Variants in GOLGA1 observed in about 807,000 individuals in gnomAD.
The protein encoded by GOLGA1 is golgin subfamily A member 1.
A neutral mutation model predicts 119.7 loss-of-function variants in GOLGA1; 63 were observed. The observed-to-expected ratio is 0.53, with a 90% CI of 0.43 to 0.65. The LOEUF (loss-of-function observed/expected upper bound fraction) is 0.65, where lower values mean the gene tolerates loss of function less well. Ranked by LOEUF, GOLGA1 falls within the 30% of genes least tolerant of loss-of-function variation. GOLGA1 has a pLI of 0.00. For missense variants in GOLGA1, 798 were observed against 912.8 expected, an observed-to-expected ratio of 0.87 and a Z score of 1.62; for synonymous variants, 318 against 333.4, an observed-to-expected ratio of 0.95 and a Z score of 0.50.
In GOLGA1 at chr9:124,926,693, A is replaced by G; in HGVS notation, c.432+16T>C. On this transcript the variant is annotated intron_variant, in intron 7 of 22. Transcript: ENST00000373555. ...CGAGACCAACAAAAATGAGACAAAA[A>G]TAAAGATGAACTAACCTTTTCAAGC... is the stretch of plus-strand genomic sequence containing the variant. 1 of 1,548,928 alleles carries G rather than the reference A, an allele frequency of 6.5e-7. No individual in the cohort carries two copies. The highest frequency in any genetic ancestry group is 8.9e-7 in the Non-Finnish European group (1 of 1,120,766).
chr9:124,898,795 G>A, intron 14 of GOLGA1, 151 bp from the exon 15 acceptor site: 1 of 585,102 alleles, frequency 1.7e-6, no homozygotes, highest in East Asian at 2.8e-5. Flanking sequence ...TCAGAAAGTA[G>A]GAAGTCTCTG....
Position 124,880,241 on chromosome 9 carries a change from G to A in GOLGA1, c.*289C>T. 1 of 270,172 alleles carries A rather than the reference G, an allele frequency of 3.7e-6. No homozygotes were observed. Among genetic ancestry groups the A allele is most frequent in the South Asian group, 4.3e-5 (1 of 23,244 alleles). The allele number at this position is 270,172 out of a possible 1,614,324, so 16.7% of individuals were successfully genotyped here. On this transcript the variant is annotated 3_prime_UTR_variant, in exon 23 of 23. Coordinates refer to ENST00000373555, the MANE Select transcript of GOLGA1 (RefSeq NM_002077.4). ...TGTAAGTGCTACCGTGAAGTTAGAG[G>A]ATTCAGGTGCAGATGGGGTGCTGGC...
chr9:124,928,881 C>T (rs1054715261), intron 5 of GOLGA1, among the ~76,000 whole-genome samples: 2 of 152,078 alleles, frequency 1.3e-5, no homozygotes, highest in African/African-American at 4.8e-5. Flanking sequence ...AGTAATGAAG[C>T]TGTGGTGAGA....
At chr9:124,935,805 G>A (rs1830854353) in intron 3 of GOLGA1, among the ~76,000 whole-genome samples, 1 of 151,494 alleles carries the variant, frequency 6.6e-6, no homozygotes, top group East Asian at 1.9e-4. Flanking sequence ...GCCATAATAC[G>A]TGTTGACTGA....
At chr9:124,890,595 C>T in intron 15 of GOLGA1, 117 bp from the exon 16 acceptor site, 1 of 784,256 alleles carries the variant, frequency 1.3e-6, no homozygotes. Context: ...AACATGCTCC[C>T]CACTTCCCAG....
upstream of GOLGA1, chr9:124,944,466 A>AT (rs71374207): frequency 0.3 from 25,724 of 84,876 alleles, 4,233 homozygotes; most frequent in East Asian, 0.45. Context: ...TGCCTGGCTA[A>AT]TTTTTTTTTT....
intron 11 of GOLGA1, among the ~76,000 whole-genome samples, chr9:124,910,713 C>T (rs1830322937): frequency 6.6e-6 from 1 of 152,160 alleles, no homozygotes; most frequent in South Asian, 2.1e-4. Context: ...TGAGTAAGCA[C>T]TACCACCTAA....
At chr9:124,894,210 G>A (rs370135480) in intron 15 of GOLGA1, among the ~76,000 whole-genome samples, 6 of 152,192 alleles carry the variant, frequency 3.9e-5, no homozygotes, top group East Asian at 3.9e-4. Context: ...CCCTACCTGC[G>A]GCTCCTTTGG....
intron 2 of GOLGA1, among the ~76,000 whole-genome samples, chr9:124,939,569 T>C (rs1478937353): frequency 7.4e-6 from 1 of 135,246 alleles, no homozygotes; most frequent in East Asian, 2.5e-4. Context: ...TTTTTTTTTT[T>C]TTTTTTTTTT....
chr9:124,926,864 C>A, intron 6 of GOLGA1, 123 bp from the exon 7 acceptor site: 2 of 563,312 alleles, frequency 3.6e-6, no homozygotes, highest in Non-Finnish European at 6.4e-6. Flanking sequence ...ACAAAAAAGC[C>A]AATTAAAAAA....
intron 10 of GOLGA1, among the ~76,000 whole-genome samples, chr9:124,914,950 A>G (rs1830412250): frequency 6.6e-6 from 1 of 152,228 alleles, no homozygotes; most frequent in Non-Finnish European, 1.5e-5. Context: ...CTTGTGCAAC[A>G]TATTGATATG....
intron 6 of GOLGA1, among the ~76,000 whole-genome samples, chr9:124,927,021 A>T (rs906667819): frequency 1.3e-5 from 2 of 152,218 alleles, no homozygotes; most frequent in Non-Finnish European, 2.9e-5. Context: ...GAAAAGCTGT[A>T]TCTGCTGTTC....
intron 19 of GOLGA1, among the ~76,000 whole-genome samples, chr9:124,885,429 G>A (rs536811340): frequency 1.5e-3 from 228 of 150,492 alleles, no homozygotes; most frequent in African/African-American, 5.1e-3. Flanking sequence ...AGGTCGCAGT[G>A]AGCCAAGATC....
chr9:124,911,670 C>T (rs10819007), intron 11 of GOLGA1, among the ~76,000 whole-genome samples: 88,154 of 152,080 alleles, frequency 0.58, 26,014 homozygotes, highest in Non-Finnish European at 0.58. Context: ...AGATGCTATC[C>T]GTTTGTATGT....
At chr9:124,896,954 G>A (rs1829998039) in intron 15 of GOLGA1, among the ~76,000 whole-genome samples, 1 of 151,844 alleles carries the variant, frequency 6.6e-6, no homozygotes, top group African/African-American at 2.4e-5. Context: ...ACCTGCCAGG[G>A]CTTCCCATGA....
In GOLGA1 at chr9:124,890,420, A is replaced by C. The variant is rs754022523; in HGVS notation, c.1466T>G (p.Val489Gly). 6.2e-7 allele frequency: 1 copy of C among 1,613,422 alleles called. No homozygotes were observed. The highest frequency in any genetic ancestry group is 1.1e-5 in the South Asian group (1 of 91,046). The stretch of plus-strand genomic sequence containing the variant: ...CTGGAACTCTTCCCTTTGCTTCCGC[A>C]CCTCCTCCAGGGCTTGAGCCATGGC... ...SVAMAQALEE[V>G]RKQREEFQQQ... Residue 489 changes from valine (V) to glycine (G), a missense_variant, in exon 16 of 23, where the codon GTG (valine) becomes GGG (glycine). By Grantham distance (109) the Val-to-Gly change is moderately radical (BLOSUM62 -3). Transcript: ENST00000373555.
chr9:124,926,668 C>A (rs145169608), intron 7 of GOLGA1, 41 bp downstream of exon 7: 1 of 1,372,950 alleles, frequency 7.3e-7, no homozygotes, highest in South Asian at 1.2e-5. Context: ...ACCCCAGAGA[C>A]GAGACCAACA....
intron 1 of GOLGA1, chr9:124,947,386 G>A (rs566764397): frequency 2.6e-5 from 4 of 152,178 alleles, no homozygotes; most frequent in Admixed American, 2.0e-4. Flanking sequence ...TGATTTTAAA[G>A]CTAAGAATAA....
At position 124,886,597 on chromosome 9, in the gene GOLGA1, G is replaced by A. The variant is rs549893171; in HGVS notation, c.1905+1656C>T. Among the ~76,000 whole-genome samples, 441 of 152,282 alleles carry A rather than the reference G, an allele frequency of 2.9e-3. 2 individuals carry two copies. Among genetic ancestry groups the A allele is most frequent in the Middle Eastern group, 0.014 (4 of 294 alleles). Reference sequence around the variant, plus strand: ...AGCACGGCAGGTGAGCAGAGACGCAGCAGCAGGGCAAAGGGGTGCAAGCCG... The same window carrying A: ...AGCACGGCAGGTGAGCAGAGACGCAACAGCAGGGCAAAGGGGTGCAAGCCG... On this transcript the variant is annotated intron_variant, in intron 19 of 22. Coordinates refer to ENST00000373555, the MANE Select transcript of GOLGA1 (RefSeq NM_002077.4).
Sources: gnomAD v4.1 joint callset for allele counts (sites outside exome capture counted in the v4.1 genomes callset) on GRCh38, gnomAD v4.1.1 for gene constraint, MANE v1.5 for transcripts, NCBI Gene and HGNC (gene_info 2026-07-23, HGNC 2026-07-21) for gene names.